The following DAB1 variants were observed in gnomAD, a reference collection of about 807,000 sequenced individuals.
The protein encoded by DAB1 is DAB adaptor protein 1.
Under a neutral mutation model 64.6 loss-of-function variants are expected in DAB1, and 15 were observed. The observed-to-expected ratio is 0.23, with a 90% CI of 0.16 to 0.36. The LOEUF is 0.36. Ranked by LOEUF, DAB1 falls within the 10% of genes least tolerant of loss-of-function variation. DAB1 has a pLI of 1.00. For synonymous variants in DAB1, 235 were observed against 251.9 expected (o/e 0.93, Z 0.64); for missense variants, 596 against 706.7 (o/e 0.84, Z 1.78).
At chr1:57,527,530 G>A (rs923171480) in intron 7 of DAB1, among the ~76,000 whole-genome samples, 1 of 152,038 alleles carries the variant, frequency 6.6e-6, no homozygotes, top group African/African-American at 2.4e-5. Flanking sequence ...TCAAATCAAG[G>A]TCATTAGGTT....
At chr1:57,599,292 T>C (rs1402730288) in intron 7 of DAB1, among the ~76,000 whole-genome samples, 1 of 151,650 alleles carries the variant, frequency 6.6e-6, no homozygotes, top group Non-Finnish European at 1.5e-5. Flanking sequence ...ACTAAAAACA[T>C]ATTTCCTTAT....
chr1:57,894,019 C>T (rs145271983), intron 5 of DAB1, among the ~76,000 whole-genome samples: 24 of 152,264 alleles, frequency 1.6e-4, no homozygotes, highest in African/African-American at 5.5e-4. Flanking sequence ...ACACACTGTG[C>T]ATGCTCTCCC....
intron 4 of DAB1, among the ~76,000 whole-genome samples, chr1:57,080,735 A>AACACAC (rs568921240): frequency 1.2e-4 from 17 of 141,962 alleles, no homozygotes; most frequent in African/African-American, 4.4e-4. Context: ...GAGAAGTTAC[A>AACACAC]ACACACACAC....
At chr1:57,761,523 C>T (rs3131741) in intron 6 of DAB1, among the ~76,000 whole-genome samples, 84,014 of 152,008 alleles carry the variant, frequency 0.55, 23,701 homozygotes, top group African/African-American at 0.66. Context: ...ATTGCTCCAG[C>T]TTGCAGTCTT....
chr1:58,055,576 G>T (rs1241475239), intron 5 of DAB1, among the ~76,000 whole-genome samples: 1 of 152,132 alleles, frequency 6.6e-6, no homozygotes, highest in African/African-American at 2.4e-5. Context: ...TGAAGGCAGA[G>T]AATTTTGTTT....
chr1:57,542,352 GC>G (rs1285629643), intron 7 of DAB1, among the ~76,000 whole-genome samples: 1 of 151,662 alleles, frequency 6.6e-6, no homozygotes, highest in Admixed American at 6.6e-5. Flanking sequence ...CTGTTACCAG[GC>G]CTGGCAGTGG....
At chr1:58,465,814 C>A (rs934017199) in intron 3 of DAB1, among the ~76,000 whole-genome samples, 1 of 152,166 alleles carries the variant, frequency 6.6e-6, no homozygotes, top group African/African-American at 2.4e-5. Context: ...CACTTACCCA[C>A]GAGGAAACTG....
intron 3 of DAB1, among the ~76,000 whole-genome samples, chr1:58,395,361 T>C (rs778665645): frequency 1.4e-4 from 22 of 152,198 alleles, no homozygotes; most frequent in Non-Finnish European, 2.4e-4. Flanking sequence ...TATAGTACTT[T>C]GTGCAAGTCA....
intron 4 of DAB1, among the ~76,000 whole-genome samples, chr1:58,196,271 G>C (rs911133218): frequency 4.6e-5 from 7 of 152,236 alleles, no homozygotes; most frequent in Admixed American, 3.9e-4. Context: ...ATTTAGAAAA[G>C]TTGGAGCACC....
chr1:57,890,236 T>A (rs2101981252), intron 5 of DAB1, among the ~76,000 whole-genome samples: 1 of 152,046 alleles, frequency 6.6e-6, no homozygotes, highest in African/African-American at 2.4e-5. Flanking sequence ...ATGCACACCA[T>A]CTCTCCAGTC....
intron 2 of DAB1, among the ~76,000 whole-genome samples, chr1:57,166,578 G>A (rs1430143154): frequency 6.6e-6 from 1 of 152,150 alleles, no homozygotes; most frequent in Non-Finnish European, 1.5e-5. Flanking sequence ...TTTGGAGAAA[G>A]AAAAGATGAC....
At chr1:57,318,032 G>C (rs1236591982) in intron 1 of DAB1, among the ~76,000 whole-genome samples, 5 of 151,578 alleles carry the variant, frequency 3.3e-5, no homozygotes, top group African/African-American at 1.2e-4. Flanking sequence ...TTTGAATAGG[G>C]TTTCTGTCTC....
intron 4 of DAB1, among the ~76,000 whole-genome samples, chr1:58,328,349 T>C (rs139203104): frequency 1.3e-5 from 2 of 152,354 alleles, no homozygotes; most frequent in African/African-American, 4.8e-5. Context: ...GTTTTCATAG[T>C]TCAGGTCCTC....
rs528206735 is a variant in DAB1 at position 58,086,252 on chromosome 1, C to T, written n.387+64259G>A. Reference sequence around the variant, plus strand: ...TGCTGGGATTACAGGCGTGAGCCACCGCGCCCGGCCTGATCTCTCTTGATA... The same window carrying T: ...TGCTGGGATTACAGGCGTGAGCCACTGCGCCCGGCCTGATCTCTCTTGATA... On this transcript the variant is annotated intron_variant and non_coding_transcript_variant, in intron 5 of 20. Coordinates refer to the DAB1 transcript ENST00000485760. 9.3e-4 allele frequency among the ~76,000 whole-genome samples: 142 copies of T among 152,208 alleles called. 1 individual carries two copies. Among genetic ancestry groups the T allele is most frequent in the Non-Finnish European group, 1.6e-3 (107 of 68,000 alleles).
intron 6 of DAB1, among the ~76,000 whole-genome samples, chr1:57,799,916 C>G (rs1231956524): frequency 6.6e-6 from 1 of 152,088 alleles, no homozygotes; most frequent in Non-Finnish European, 1.5e-5. Context: ...CCATGGGGCC[C>G]ACAAAGCCTA....
intron 4 of DAB1, among the ~76,000 whole-genome samples, chr1:57,075,196 A>G (rs187795898): frequency 6.6e-6 from 1 of 152,300 alleles, no homozygotes; most frequent in African/African-American, 2.4e-5. Context: ...TTCCTGGTGG[A>G]ATTAGATTTG....
chr1:58,290,671 A>G (rs1337475755), intron 4 of DAB1, among the ~76,000 whole-genome samples: 4 of 152,190 alleles, frequency 2.6e-5, no homozygotes, highest in African/African-American at 9.7e-5. Context: ...GAAAAGCTGT[A>G]TTCTGGTCTC....
At chr1:58,420,508 G>GC (rs2100220198) in intron 3 of DAB1, among the ~76,000 whole-genome samples, 2 of 152,284 alleles carry the variant, frequency 1.3e-5, no homozygotes, top group African/African-American at 4.8e-5. Flanking sequence ...CTAACTCAGA[G>GC]CAACGGTTCA....
At chr1:58,041,736 T>C (rs181817437) in intron 5 of DAB1, among the ~76,000 whole-genome samples, 6 of 152,306 alleles carry the variant, frequency 3.9e-5, no homozygotes, top group Non-Finnish European at 7.4e-5. Flanking sequence ...TCTAGCAAGC[T>C]AGAATTGGCA....
Sources: allele counts gnomAD v4.1 joint callset (sites outside exome capture counted in the v4.1 genomes callset), GRCh38; gene constraint gnomAD v4.1.1; transcripts MANE v1.5; gene names NCBI Gene and HGNC (gene_info 2026-07-23, HGNC 2026-07-21).